Variants in ABTB3 observed in about 807,000 individuals in gnomAD.
ABTB3 encodes ankyrin repeat- and BTB/POZ domain-containing protein 3.
At chr12:107,572,394 G>T in the ABTB3 span, among the ~76,000 whole-genome samples, 1 of 151,962 alleles carries the variant, frequency 6.6e-6, no homozygotes, top group African/African-American at 2.4e-5. Context: ...CCAGATTGTT[G>T]TTTCAAGCCA....
At chr12:107,502,696 C>T in the ABTB3 span, among the ~76,000 whole-genome samples, 2 of 152,028 alleles carry the variant, frequency 1.3e-5, no homozygotes, top group Non-Finnish European at 2.9e-5. Flanking sequence ...ACCTGAGTGC[C>T]GCCTCCTGTC....
chr12:107,567,222 T>C, the ABTB3 span, among the ~76,000 whole-genome samples: 78,037 of 152,158 alleles, frequency 0.51, 20,193 homozygotes, highest in East Asian at 0.62. Context: ...CAAGTGTAAA[T>C]GACAGCATTC....
At chr12:107,535,188 C>A in the ABTB3 span, among the ~76,000 whole-genome samples, 2 of 152,108 alleles carry the variant, frequency 1.3e-5, no homozygotes, top group Non-Finnish European at 2.9e-5. Flanking sequence ...AGAACAAAAA[C>A]CACGTGAGTA....
chr12:107,570,066 A>G, the ABTB3 span, among the ~76,000 whole-genome samples: 1 of 152,218 alleles, frequency 6.6e-6, no homozygotes, highest in Non-Finnish European at 1.5e-5. Flanking sequence ...CTAGGTGCAA[A>G]AGAGGCTAAA....
chr12:107,426,167 T>G, the ABTB3 span, among the ~76,000 whole-genome samples: 2 of 152,210 alleles, frequency 1.3e-5, no homozygotes, highest in Non-Finnish European at 2.9e-5. Context: ...CCATCAGCAC[T>G]TCACAGCGGT....
At chr12:107,561,859 G>C in the ABTB3 span, among the ~76,000 whole-genome samples, 1 of 152,062 alleles carries the variant, frequency 6.6e-6, no homozygotes, top group East Asian at 1.9e-4. Context: ...CTTCTGCCTG[G>C]ATTCTTTTCC....
chr12:107,319,225 C>T, the ABTB3 span: 10 of 1,577,040 alleles, frequency 6.3e-6, no homozygotes, highest in East Asian at 6.8e-5. Context: ...CGGACCTAGA[C>T]GAGGTCCCCT....
chr12:107,641,256 A>G, the ABTB3 span, among the ~76,000 whole-genome samples: 6 of 152,198 alleles, frequency 3.9e-5, no homozygotes, highest in African/African-American at 1.4e-4. Context: ...TCCCTTGCAT[A>G]GTTTTCAGTC....
the ABTB3 span, chr12:107,581,131 G>T: frequency 6.5e-7 from 1 of 1,546,246 alleles, no homozygotes; most frequent in African/African-American, 1.4e-5. Context: ...GCGCGTCTCC[G>T]GGTCCCTCCT....
chr12:107,397,454 T>G, the ABTB3 span, among the ~76,000 whole-genome samples: 1 of 152,138 alleles, frequency 6.6e-6, no homozygotes, highest in Non-Finnish European at 1.5e-5. Context: ...ATTATTTTTT[T>G]CTATTGGATT....
At chr12:107,375,349 T>C in the ABTB3 span, among the ~76,000 whole-genome samples, 2 of 152,016 alleles carry the variant, frequency 1.3e-5, no homozygotes, top group Non-Finnish European at 2.9e-5. Flanking sequence ...GCCCGGGAGA[T>C]TAAGGCTGCA....
the ABTB3 span, among the ~76,000 whole-genome samples, chr12:107,516,397 A>AT: frequency 6.6e-6 from 1 of 151,678 alleles, no homozygotes. Flanking sequence ...CAGCCAGCTA[A>AT]TTTTTTGTAT....
the ABTB3 span, chr12:107,617,028 C>G: frequency 6.4e-7 from 1 of 1,551,430 alleles, no homozygotes; most frequent in African/African-American, 1.4e-5. Flanking sequence ...AGCAGTCTTT[C>G]CTGACACCTG....
At chr12:107,502,223 C>T in the ABTB3 span, among the ~76,000 whole-genome samples, 1 of 151,962 alleles carries the variant, frequency 6.6e-6, no homozygotes, top group Non-Finnish European at 1.5e-5. Flanking sequence ...TGCCGCCTTG[C>T]CTGGCTAATT....
At chr12:107,401,951 C>T in the ABTB3 span, among the ~76,000 whole-genome samples, 4 of 134,058 alleles carry the variant, frequency 3.0e-5, no homozygotes, top group African/African-American at 8.5e-5. Flanking sequence ...TCCTGCCTTG[C>T]TTCCCTACCC....
At chr12:107,497,722 A>T in the ABTB3 span, among the ~76,000 whole-genome samples, 1 of 152,222 alleles carries the variant, frequency 6.6e-6, no homozygotes, top group South Asian at 2.1e-4. Context: ...TTTCAGTGTC[A>T]GAAAATCGAT....
the ABTB3 span, among the ~76,000 whole-genome samples, chr12:107,482,092 G>A: frequency 6.6e-6 from 1 of 152,044 alleles, no homozygotes; most frequent in Non-Finnish European, 1.5e-5. Context: ...GGAGTGGAGA[G>A]GGGTGGTCCT....
chr12:107,654,474 T>C, the ABTB3 span, among the ~76,000 whole-genome samples: 27 of 152,238 alleles, frequency 1.8e-4, no homozygotes, highest in Non-Finnish European at 2.6e-4. Context: ...AATTTTTGTA[T>C]TTTTAGTAGA....
At chr12:107,516,032 TGCATGTGTGTGTGTGTGTGTGTGC>T in the ABTB3 span, among the ~76,000 whole-genome samples, 1 of 128,552 alleles carries the variant, frequency 7.8e-6, no homozygotes, top group Non-Finnish European at 1.6e-5. Context: ...AGTGTGTGTG[TGCATGTGTGTGTGTGTGTGTGTGC>T]GCACACACAC....
Sources: gnomAD v4.1 joint callset for allele counts (sites outside exome capture counted in the v4.1 genomes callset) on GRCh38, gnomAD v4.1.1 for gene constraint, MANE v1.5 for transcripts, NCBI Gene and HGNC (gene_info 2026-07-23, HGNC 2026-07-21) for gene names.